Variants in PTPRR observed in about 807,000 individuals in gnomAD.
PTPRR encodes receptor-type tyrosine-protein phosphatase R.
Under a neutral mutation model 77.2 loss-of-function variants are expected in PTPRR, and 38 were observed. The ratio of observed to expected loss-of-function variants is 0.49; its 90% CI spans 0.38 to 0.65. The LOEUF (loss-of-function observed/expected upper bound fraction) is 0.65, where lower values mean the gene tolerates loss of function less well. PTPRR is among the 30% of genes least tolerant of loss of function. The probability of loss-of-function intolerance (pLI) is 0.00; values close to 1 mark genes in which losing one functional copy is unlikely to be tolerated. For synonymous variants in PTPRR, 299 were observed against 283.1 expected, an observed-to-expected ratio of 1.06 and a Z score of -0.57; for missense variants, 744 against 799.2, an observed-to-expected ratio of 0.93 and a Z score of 0.83.
chr12:70,828,336 G>C (rs921155129), intron 2 of PTPRR, among the ~76,000 whole-genome samples: 2 of 152,104 alleles, frequency 1.3e-5, no homozygotes, highest in African/African-American at 4.8e-5. Context: ...TTCAGCCCCT[G>C]AACTAATATT....
intron 1 of PTPRR, among the ~76,000 whole-genome samples, chr12:70,898,954 CAAAT>C (rs1237995132): frequency 6.6e-6 from 1 of 151,302 alleles, no homozygotes; most frequent in Non-Finnish European, 1.5e-5. Context: ...CAATCCTCTA[CAAAT>C]AAATTCAACA....
chr12:70,653,901 T>C (rs1886484110), intron 13 of PTPRR, among the ~76,000 whole-genome samples: 1 of 152,060 alleles, frequency 6.6e-6, no homozygotes, highest in South Asian at 2.1e-4. Context: ...AGAGTTTACA[T>C]GCTAACAGAA....
chr12:70,660,115 T>G (rs990831478), intron 12 of PTPRR, among the ~76,000 whole-genome samples: 3 of 151,732 alleles, frequency 2.0e-5, no homozygotes, highest in Non-Finnish European at 2.9e-5. Flanking sequence ...AGGCGGAGGT[T>G]GCAGTGAGCC....
rs545491049 is a variant in PTPRR at position 70,880,420 on chromosome 12, A to C, written c.357+12259T>G. ...TCTAATTATACCTTGATTTACTCTCAAAGTATCTCTGAATATCTAACAGAA... is the reference window on the plus strand; with the variant it reads ...TCTAATTATACCTTGATTTACTCTCCAAGTATCTCTGAATATCTAACAGAA... On this transcript the variant is annotated intron_variant, in intron 2 of 13. Transcript: ENST00000283228. Among the ~76,000 whole-genome samples the C allele has an allele frequency of 4.9e-4, 75 of 152,288 alleles. 1 individual carries two copies. The South Asian group carries it at 0.015, about 30-fold the overall frequency.
In PTPRR at chr12:70,920,376, G is replaced by C; in HGVS notation, c.15C>G (p.Val5=). 6.2e-7 allele frequency: 1 copy of C among 1,613,664 alleles called. No individual in the cohort carries two copies. Among genetic ancestry groups the C allele is most frequent in the East Asian group, 2.2e-5 (1 of 44,820 alleles). The change falls in exon 1 of 14, where the codon GTC becomes GTG. Residue 5 remains valine, a synonymous_variant. Coordinates refer to ENST00000283228, the MANE Select transcript of PTPRR (RefSeq NM_002849.4). ...GGAGCAGGCACAGCGCAGGGAAGCA[G>C]ACTGCTCTCCGCATAGTGTTTGCAT... is the stretch of plus-strand genomic sequence containing the variant. MRRA[V]CFPALCLLLN... is the part of the protein sequence containing the mutation.
intron 8 of PTPRR, among the ~76,000 whole-genome samples, chr12:70,688,460 A>C (rs555268364): frequency 6.6e-6 from 1 of 152,336 alleles, no homozygotes; most frequent in East Asian, 1.9e-4. Context: ...TCCACATCTC[A>C]AATCATCAGA....
At chr12:70,783,794 T>A (rs60680082) in intron 2 of PTPRR, among the ~76,000 whole-genome samples, 19 of 148,338 alleles carry the variant, frequency 1.3e-4, no homozygotes, top group Non-Finnish European at 1.9e-4. Flanking sequence ...CAGCTGCCCT[T>A]AGTCCCCTTT....
intron 6 of PTPRR, among the ~76,000 whole-genome samples, chr12:70,714,355 G>T (rs147178436): frequency 6.6e-6 from 1 of 151,966 alleles, no homozygotes; most frequent in Non-Finnish European, 1.5e-5. Flanking sequence ...AGTTCTTCCC[G>T]CCTCCTGATT....
chr12:70,886,428 T>C (rs1057378235), intron 2 of PTPRR, among the ~76,000 whole-genome samples: 1 of 152,242 alleles, frequency 6.6e-6, no homozygotes, highest in Non-Finnish European at 1.5e-5. Flanking sequence ...ATTGAATTTC[T>C]TTTTCTAGGC....
chr12:70,671,894 A>G lies in PTPRR; in HGVS notation c.1498-9289T>C. 5.3e-6 allele frequency: 4 copies of G among 755,702 alleles called. No individual in the cohort carries two copies. In the South Asian group the frequency reaches 7.1e-5, roughly 13 times the overall value. The allele number at this position is 755,702 out of a possible 1,614,324, so 46.8% of individuals were successfully genotyped here. A position where few individuals can be genotyped will look rare whatever the true frequency, so the allele number is the denominator to read the frequency against. ...ACAAGCACTAACCCAGCGCAGGAGG[A>G]CCAGCCACCGCCGCCAGGCTCTGAT... On this transcript the variant is annotated intron_variant, in intron 10 of 13. Coordinates refer to ENST00000283228, the MANE Select transcript of PTPRR (RefSeq NM_002849.4).
chr12:70,763,445 G>A (rs1421888427), intron 3 of PTPRR, among the ~76,000 whole-genome samples: 2 of 152,272 alleles, frequency 1.3e-5, no homozygotes, highest in South Asian at 2.1e-4. Context: ...TCATTCAGGG[G>A]AATGTTGTAT....
intron 5 of PTPRR, among the ~76,000 whole-genome samples, chr12:70,747,061 C>T (rs1389176176): frequency 6.6e-6 from 1 of 152,034 alleles, no homozygotes. Context: ...GTCTTCTTAC[C>T]TTTATAATAA....
At chr12:70,876,422 G>C (rs1176947096) in intron 2 of PTPRR, among the ~76,000 whole-genome samples, 1 of 152,128 alleles carries the variant, frequency 6.6e-6, no homozygotes, top group Non-Finnish European at 1.5e-5. Context: ...CAGAAGAATA[G>C]TTTCAGAAAG....
At chr12:70,719,209 C>G (rs1191734472) in intron 6 of PTPRR, among the ~76,000 whole-genome samples, 2 of 152,088 alleles carry the variant, frequency 1.3e-5, no homozygotes, top group African/African-American at 4.8e-5. Flanking sequence ...ACCCAGTATC[C>G]TGTGGAGGAA....
intron 6 of PTPRR, among the ~76,000 whole-genome samples, chr12:70,724,427 CTTAA>C (rs1198573182): frequency 6.6e-6 from 1 of 152,080 alleles, no homozygotes; most frequent in East Asian, 1.9e-4. Context: ...TTCTATGAGG[CTTAA>C]TTGAGATAAT....
At chr12:70,786,810 TG>T (rs1269224535) in intron 2 of PTPRR, among the ~76,000 whole-genome samples, 1 of 152,234 alleles carries the variant, frequency 6.6e-6, no homozygotes, top group East Asian at 1.9e-4. Context: ...TATTGGCATG[TG>T]GTTTTAACAT....
chr12:70,892,301 T>C (rs1278051182), intron 2 of PTPRR, among the ~76,000 whole-genome samples: 1 of 152,082 alleles, frequency 6.6e-6, no homozygotes, highest in African/African-American at 2.4e-5. Flanking sequence ...GTATTATTTA[T>C]TTACACAGGC....
chr12:70,840,528 G>A (rs566940344), intron 2 of PTPRR, among the ~76,000 whole-genome samples: 27 of 152,280 alleles, frequency 1.8e-4, no homozygotes, highest in African/African-American at 6.5e-4. Flanking sequence ...GCCTATCACA[G>A]CCACTTTTGA....
chr12:70,781,815 A>G lies in PTPRR; in HGVS notation c.358-17037T>C, dbSNP rs554731785. On this transcript the variant is annotated intron_variant, in intron 2 of 13. Transcript: ENST00000283228. ...AGTTTTAAATAACTATGACCTTTATACTACAGCAATAGTGTCTTAGATGAC... is the reference window on the plus strand; with the variant it reads ...AGTTTTAAATAACTATGACCTTTATGCTACAGCAATAGTGTCTTAGATGAC... 5.1e-4 allele frequency among the ~76,000 whole-genome samples: 78 copies of G among 152,272 alleles called. No homozygotes were observed. In the South Asian group the frequency reaches 0.014, roughly 27 times the overall value.
Sources: gnomAD v4.1 joint callset for allele counts (sites outside exome capture counted in the v4.1 genomes callset) on GRCh38, gnomAD v4.1.1 for gene constraint, MANE v1.5 for transcripts, NCBI Gene and HGNC (gene_info 2026-07-23, HGNC 2026-07-21) for gene names.